Variants in HERC2 observed in about 807,000 individuals in gnomAD.
HERC2 encodes E3 ubiquitin-protein ligase HERC2.
A neutral mutation model predicts 537.7 loss-of-function variants in HERC2; 102 were observed. The observed-to-expected ratio is 0.19, with a 90% CI of 0.16 to 0.22. The LOEUF is 0.22. Among genes scored for constraint, HERC2 ranks in the 10% least tolerant of loss-of-function variants. The pLI is 1.00. For synonymous variants in HERC2, 2,224 were observed against 2,466.2 expected (o/e 0.90, Z 2.91); for missense variants, 4,236 against 6,198.2 (o/e 0.68, Z 10.63).
intron 78 of HERC2, among the ~76,000 whole-genome samples, chr15:28,138,348 A>G (rs1283284078): frequency 6.6e-6 from 1 of 152,230 alleles, no homozygotes; most frequent in Non-Finnish European, 1.5e-5. Context: ...AGAGAAGTCA[A>G]TGTTTGCCTT....
chr15:28,195,398 T>C (rs1263837952), intron 52 of HERC2, among the ~76,000 whole-genome samples: 1 of 151,898 alleles, frequency 6.6e-6, no homozygotes, highest in African/African-American at 2.4e-5. Flanking sequence ...GAGGCGGAGG[T>C]TGCACTGAGC....
intron 70 of HERC2, among the ~76,000 whole-genome samples, chr15:28,151,464 A>G (rs1189015364): frequency 1.3e-5 from 2 of 152,294 alleles, no homozygotes; most frequent in East Asian, 3.9e-4. Context: ...GCAAGATCCT[A>G]TCTCTAAACA....
intron 2 of HERC2, among the ~76,000 whole-genome samples, chr15:28,306,977 G>A (rs1331251873): frequency 2.6e-5 from 4 of 152,194 alleles, no homozygotes; most frequent in South Asian, 4.1e-4. Flanking sequence ...TGGAATTACA[G>A]GCACACAAAA....
At chr15:28,214,342 C>A (rs1567024341) in intron 40 of HERC2, 70 bp from the exon 41 acceptor site, 1 of 1,342,714 alleles carries the variant, frequency 7.4e-7, no homozygotes, top group Non-Finnish European at 1.1e-6. Flanking sequence ...GAGACGGCTA[C>A]CCACCTCTAA....
chr15:28,291,511 G>A (rs756607168), intron 4 of HERC2, among the ~76,000 whole-genome samples: 4 of 152,118 alleles, frequency 2.6e-5, no homozygotes, highest in Non-Finnish European at 5.9e-5. Flanking sequence ...TGAAACTGGG[G>A]TGGGCAGTCA....
At chr15:28,162,749 G>A (rs1893737536) in intron 69 of HERC2, among the ~76,000 whole-genome samples, 1 of 152,060 alleles carries the variant, frequency 6.6e-6, no homozygotes, top group Non-Finnish European at 1.5e-5. Context: ...AAATTAGCCG[G>A]GCATGGTGGT....
Position 28,177,765 on chromosome 15 carries a change from A to G in HERC2, c.9164-256T>C, listed in dbSNP as rs751261454. 3.9e-5 allele frequency among the ~76,000 whole-genome samples: 6 copies of G among 152,264 alleles called. No homozygotes were observed. Among genetic ancestry groups the G allele is most frequent in the Admixed American group, 1.3e-4 (2 of 15,288 alleles). The stretch of plus-strand genomic sequence containing the variant: ...GCAAAGAGGCAAAATAATACTGATT[A>G]TTAATGGGGTTCCTATTATGTTAAA... On this transcript the variant is annotated intron_variant, in intron 59 of 92. Coordinates refer to ENST00000261609, the MANE Select transcript of HERC2 (RefSeq NM_004667.6). The surrounding 1 kb of genome is among the most constrained non-coding windows in gnomAD (Gnocchi z 5.0).
intron 2 of HERC2, 125 bp from the exon 3 acceptor site, chr15:28,299,641 G>T: frequency 1.6e-6 from 1 of 608,366 alleles, no homozygotes; most frequent in Non-Finnish European, 3.0e-6. Context: ...TAAAATCAAT[G>T]ATTTACTGAA....
intron 19 of HERC2, among the ~76,000 whole-genome samples, chr15:28,254,758 T>A (rs1440821841): frequency 6.6e-6 from 1 of 152,258 alleles, no homozygotes; most frequent in Non-Finnish European, 1.5e-5. Flanking sequence ...CTCTCCAGCA[T>A]CCTTCTGTGA....
chr15:28,266,029 T>A, intron 12 of HERC2, 55 bp from the exon 13 acceptor site: 1 of 1,582,410 alleles, frequency 6.3e-7, no homozygotes, highest in Admixed American at 1.7e-5. Context: ...TTATTTCTTA[T>A]TAATGTTAAC....
At chr15:28,159,283 T>C (rs2142403418) in intron 69 of HERC2, among the ~76,000 whole-genome samples, 1 of 152,352 alleles carries the variant, frequency 6.6e-6, no homozygotes, top group Middle Eastern at 3.4e-3. Flanking sequence ...AATGTTGGCC[T>C]GCCTTGCTAG....
intron 19 of HERC2, among the ~76,000 whole-genome samples, chr15:28,255,251 T>C (rs2075219711): frequency 6.6e-6 from 1 of 152,094 alleles, no homozygotes; most frequent in Non-Finnish European, 1.5e-5. Flanking sequence ...GGCAGGATCA[T>C]TTGAGCCTAG....
rs377658274 is a variant in HERC2, at chr15:28,176,937, T to C, written c.9432+13A>G. ...GTAAGCTTTCTGCAAGCAACAAAAA[T>C]GCGTATAATCACCATTTTGGGCTTT... is the stretch of plus-strand genomic sequence containing the variant. On this transcript the variant is annotated intron_variant, in intron 61 of 92. Transcript: ENST00000261609. The surrounding 1 kb of genome is among the most constrained non-coding windows in gnomAD (Gnocchi z 5.0). The C allele has an allele frequency of 1.4e-4, 224 of 1,605,532 alleles. No homozygotes were observed. Among genetic ancestry groups the C allele is most frequent in the Admixed American group, 8.2e-4 (49 of 59,574 alleles).
At position 28,245,572 on chromosome 15, in the gene HERC2, C is replaced by T. The variant is rs1422146928; in HGVS notation, c.3577+309G>A. ...AAAAAAAAAAAAAAATATATACACA[C>T]ACACACACACACACACACACACACA... On this transcript the variant is annotated intron_variant, in intron 23 of 92. Coordinates refer to ENST00000261609, the MANE Select transcript of HERC2 (RefSeq NM_004667.6). 1.6e-4 allele frequency among the ~76,000 whole-genome samples: 10 copies of T among 63,344 alleles called. No homozygotes were observed. The East Asian group carries it at 2.9e-3, about 18-fold the overall frequency. 41.6% of individuals were successfully genotyped at this position (63,344 alleles called of 152,430 possible).
At chr15:28,220,223 G>C (rs555997899) in intron 37 of HERC2, among the ~76,000 whole-genome samples, 26 of 152,356 alleles carry the variant, frequency 1.7e-4, no homozygotes, top group Admixed American at 1.5e-3. Context: ...ACACATGAGA[G>C]TAAAATGCAG....
At chr15:28,228,517 C>T in intron 34 of HERC2, 108 bp from the exon 35 acceptor site, 1 of 1,001,090 alleles carries the variant, frequency 1.0e-6, no homozygotes, top group Admixed American at 2.2e-5. Context: ...TTGAAACCCA[C>T]TGACATTTCT....
intron 26 of HERC2, among the ~76,000 whole-genome samples, chr15:28,236,254 C>CTTA (rs949801867): frequency 6.6e-6 from 1 of 151,998 alleles, no homozygotes; most frequent in Non-Finnish European, 1.5e-5. Context: ...TCTCACTATC[C>CTTA]TTATTATTAT....
rs923067338 is a variant in HERC2, at chr15:28,134,156, T to C, written c.12230+1322A>G. On this transcript the variant is annotated intron_variant, in intron 79 of 92. Transcript: ENST00000261609. ...TTTAAAAATTATCTCAGCAATACTT[T>C]GTAGTCTTCTGTCTACAGGGTCATT... Among the ~76,000 whole-genome samples the C allele has an allele frequency of 2.7e-4, 41 of 152,238 alleles. 1 individual carries two copies. Among genetic ancestry groups the C allele is most frequent in the Middle Eastern group, 3.2e-3 (1 of 316 alleles).
chr15:28,144,006 G>A lies in HERC2; in HGVS notation c.11300-15C>T, dbSNP rs771123512. 1.2e-6 allele frequency: 2 copies of A among 1,614,162 alleles called. No individual in the cohort carries two copies. The highest frequency in any genetic ancestry group is 1.6e-4 in the Middle Eastern group (1 of 6,062). On this transcript the variant is annotated splice_polypyrimidine_tract_variant and intron_variant, in intron 73 of 92. Coordinates refer to ENST00000261609, the MANE Select transcript of HERC2 (RefSeq NM_004667.6). ...GTGACTGGCAGCTGAAATGAGCAGA[G>A]AGAAAGTATCAGAAGTCTGATGGTT... is the stretch of plus-strand genomic sequence containing the variant.
Sources: gnomAD v4.1 joint callset for allele counts (sites outside exome capture counted in the v4.1 genomes callset) on GRCh38, gnomAD v4.1.1 for gene constraint, Gnocchi (gnomAD v3.1) non-coding constraint, MANE v1.5 for transcripts, NCBI Gene and HGNC (gene_info 2026-07-23, HGNC 2026-07-21) for gene names.